The following LRRC49 variants were observed in gnomAD, a reference collection of about 807,000 sequenced individuals.
LRRC49 encodes the protein leucine-rich repeat-containing protein 49.
LRRC49 carries 50 observed loss-of-function variants against 83.3 expected under a neutral mutation model. The observed-to-expected ratio is 0.60, with a 90% CI of 0.48 to 0.76. LRRC49 has a LOEUF of 0.76. LRRC49 is among the 30% of genes least tolerant of loss of function. The pLI, the probability that LRRC49 is intolerant of heterozygous loss-of-function variation, is 0.00. For synonymous variants in LRRC49, 286 were observed against 283.3 expected (o/e 1.01, Z -0.10); for missense variants, 704 against 809.1 (o/e 0.87, Z 1.58).
intron 11 of LRRC49, among the ~76,000 whole-genome samples, chr15:70,993,774 A>G (rs1337752270): frequency 1.3e-5 from 2 of 152,136 alleles, no homozygotes; most frequent in African/African-American, 4.8e-5. Context: ...AAGTTTATCC[A>G]AGTAATATGG....
At chr15:70,937,328 AT>A (rs2035633347) in intron 8 of LRRC49, among the ~76,000 whole-genome samples, 1 of 152,234 alleles carries the variant, frequency 6.6e-6, no homozygotes, top group Non-Finnish European at 1.5e-5. Flanking sequence ...AAATGTATAA[AT>A]TTAGTTTTCT....
intron 14 of LRRC49, among the ~76,000 whole-genome samples, chr15:71,026,657 A>C (rs993846250): frequency 6.6e-6 from 1 of 152,062 alleles, no homozygotes; most frequent in Admixed American, 6.5e-5. Context: ...ATATTATCTC[A>C]TTGTGGTTTT....
intron 2 of LRRC49, among the ~76,000 whole-genome samples, chr15:70,894,417 A>G (rs2033736678): frequency 6.6e-6 from 1 of 152,224 alleles, no homozygotes; most frequent in Non-Finnish European, 1.5e-5. Context: ...TGTTAGACTT[A>G]ACGTTATTTA....
At chr15:70,878,270 T>A (rs1567033421) in intron 2 of LRRC49, among the ~76,000 whole-genome samples, 1 of 152,230 alleles carries the variant, frequency 6.6e-6, no homozygotes, top group Non-Finnish European at 1.5e-5. Flanking sequence ...AAGTTGATTT[T>A]TGCATATTTG....
intron 11 of LRRC49, among the ~76,000 whole-genome samples, chr15:70,986,959 C>T (rs1295321090): frequency 6.6e-6 from 1 of 152,150 alleles, no homozygotes; most frequent in Non-Finnish European, 1.5e-5. Context: ...GTATATTGAG[C>T]CATCCTTGCA....
At chr15:70,930,214 T>G (rs1011470292) in intron 7 of LRRC49, among the ~76,000 whole-genome samples, 3 of 152,234 alleles carry the variant, frequency 2.0e-5, no homozygotes, top group African/African-American at 7.2e-5. Flanking sequence ...CTCCATGGAC[T>G]GCAGAATGGA....
rs772445452 is a variant in LRRC49 at position 70,911,540 on chromosome 15, A to C, written c.509A>C (p.Lys170Thr). The stretch of plus-strand genomic sequence containing the variant: ...CTTATTCTGGTTTTCAGAATCAAGA[A>C]AATCTCAAATCTGGAGAATCTAAAA... ...VLLLGKNRIK[K>T]ISNLENLKSL... Residue 170 changes from lysine (K) to threonine (T), a missense_variant, in exon 6 of 16, where the codon AAA becomes ACA. Around this residue, in one of 3 missense-constraint regions of LRRC49, gnomAD observed 261 missense variants for 330.5 expected, o/e 0.79. Transcript: ENST00000260382. 4 of 1,574,640 alleles carry C rather than the reference A, an allele frequency of 2.5e-6. No homozygotes were observed. The Admixed American group carries it at 7.2e-5, about 28-fold the overall frequency.
chr15:70,894,536 T>C (rs774503445), intron 2 of LRRC49: 71 of 827,488 alleles, frequency 8.6e-5, no homozygotes, highest in Admixed American at 1.6e-4. Context: ...GATTTTGAGA[T>C]AAACATGTTT....
chr15:70,869,887 C>A (rs1473446543), intron 1 of LRRC49, among the ~76,000 whole-genome samples: 1 of 152,048 alleles, frequency 6.6e-6, no homozygotes, highest in African/African-American at 2.4e-5. Flanking sequence ...TTAAAATCAG[C>A]TTCCCACACT....
chr15:70,882,582 A>G (rs1433111986), intron 2 of LRRC49: 3 of 1,613,796 alleles, frequency 1.9e-6, no homozygotes, highest in Non-Finnish European at 2.5e-6. Flanking sequence ...GTTCTAGACC[A>G]CAATTCCTCT....
chr15:70,980,263 G>C (rs2037353494), intron 10 of LRRC49, 79 bp downstream of exon 10: 1 of 992,906 alleles, frequency 1.0e-6, no homozygotes, highest in South Asian at 1.8e-5. Flanking sequence ...TAGTCTACTG[G>C]AAAAGTGGTT....
upstream of LRRC49, chr15:70,892,093 T>G: frequency 6.2e-7 from 1 of 1,613,960 alleles, no homozygotes; most frequent in Non-Finnish European, 8.5e-7. Context: ...CAAAACAGGC[T>G]GGGGCAAAGT....
chr15:70,892,487 T>A, upstream of LRRC49: 1 of 1,525,016 alleles, frequency 6.6e-7, no homozygotes, highest in Non-Finnish European at 8.8e-7. Context: ...CTCCCTGCGC[T>A]GCTCCCCAGG....
At chr15:71,010,105 G>T in intron 13 of LRRC49, 113 bp downstream of exon 13, 3 of 588,766 alleles carry the variant, frequency 5.1e-6, no homozygotes, top group South Asian at 5.4e-5. Flanking sequence ...GAGATATAAT[G>T]GTTTTTTTTA....
At chr15:70,946,168 AAATAT>A (rs1221027250) in intron 8 of LRRC49, among the ~76,000 whole-genome samples, 1 of 152,168 alleles carries the variant, frequency 6.6e-6, no homozygotes, top group Non-Finnish European at 1.5e-5. Context: ...CATTGTTATT[AAATAT>A]AATCACCATG....
At chr15:70,886,758 C>T (rs1201503171) in intron 2 of LRRC49, among the ~76,000 whole-genome samples, 4 of 151,828 alleles carry the variant, frequency 2.6e-5, no homozygotes, top group South Asian at 2.1e-4. Flanking sequence ...CCCAGCTACT[C>T]GGGAGGCTGA....
Position 70,984,093 on chromosome 15 carries a change from G to C in LRRC49, c.1006-1G>C. 6.2e-7 allele frequency: 1 copy of C among 1,611,628 alleles called. No homozygotes were observed. The highest frequency in any genetic ancestry group is 8.5e-7 in the Non-Finnish European group (1 of 1,178,824). On this transcript the variant is annotated splice_acceptor_variant, in intron 10 of 15. Coordinates refer to ENST00000260382, the MANE Select transcript of LRRC49 (RefSeq NM_017691.5). LOFTEE classifies it high-confidence loss of function. ...TTTTGTCACAATTAACTTTTTCATA[G>C]GAGAAGAAAAGGTTAACAATTAACA...
intron 1 of LRRC49, 66 bp from the exon 2 acceptor site, chr15:70,893,514 CTTTT>C (rs3840844): frequency 3.7e-6 from 3 of 801,134 alleles, no homozygotes; most frequent in African/African-American, 3.6e-5. Flanking sequence ...CTGTTTGTAC[CTTTT>C]TTTTTTTTGG....
At chr15:71,012,025 A>G (rs2038667757) in intron 13 of LRRC49, among the ~76,000 whole-genome samples, 1 of 152,166 alleles carries the variant, frequency 6.6e-6, no homozygotes, top group African/African-American at 2.4e-5. Context: ...TCTACCCACT[A>G]GATGCCCGTA....
Sources: gnomAD v4.1 joint callset for allele counts (sites outside exome capture counted in the v4.1 genomes callset) on GRCh38, gnomAD v4.1.1 for gene constraint, gnomAD v4.1.1 regional missense constraint, MANE v1.5 for transcripts, NCBI Gene and HGNC (gene_info 2026-07-23, HGNC 2026-07-21) for gene names.